Variants in APP observed in about 807,000 individuals in gnomAD.
APP encodes the protein amyloid-beta precursor protein.
A neutral mutation model predicts 101.4 loss-of-function variants in APP; 31 were observed. That is an observed-to-expected ratio of 0.31 (90% CI 0.23 to 0.41). APP has a LOEUF of 0.41. Among genes scored for constraint, APP ranks in the 10% least tolerant of loss-of-function variants. The pLI is 1.00. For missense variants in APP, 839 were observed against 1,003.7 expected (o/e 0.84, Z 2.22); for synonymous variants, 366 against 364.4 (o/e 1.00, Z -0.05).
intron 5 of APP, among the ~76,000 whole-genome samples, chr21:26,032,843 C>T (rs7283144): frequency 1.1e-3 from 159 of 150,604 alleles, no homozygotes; most frequent in African/African-American, 3.2e-3. Context: ...CTTTACTGGG[C>T]GCTATGCCTA....
intron 5 of APP, among the ~76,000 whole-genome samples, chr21:26,030,361 T>G (rs1322374525): frequency 6.6e-6 from 1 of 152,204 alleles, no homozygotes; most frequent in Non-Finnish European, 1.5e-5. Context: ...TGGTATCCAA[T>G]GGTACTAAAA....
chr21:26,111,853 G>T, intron 2 of APP, 126 bp downstream of exon 2: 1 of 933,212 alleles, frequency 1.1e-6, no homozygotes, highest in Non-Finnish European at 1.8e-6. Context: ...ATGGTATGGT[G>T]AATCATTAGG....
In APP at chr21:26,004,814, C is replaced by A. The variant is rs548454538; in HGVS notation, c.866-4632G>T. ...TTTCCCTCCCCCAACCCCCCACCCC[C>A]CCAACAGGCCCTGGTGTGTGATGTT... On this transcript the variant is annotated intron_variant, in intron 6 of 17. Transcript: ENST00000346798. Among the ~76,000 whole-genome samples the A allele has an allele frequency of 1.4e-4, 21 of 148,444 alleles. No homozygotes were observed. The East Asian group carries it at 2.4e-3, about 17-fold the overall frequency.
intron 6 of APP, among the ~76,000 whole-genome samples, chr21:26,007,370 ATATAT>A (rs1251813147): frequency 2.0e-5 from 3 of 147,460 alleles, no homozygotes; most frequent in African/African-American, 4.9e-5. Context: ...TATAATTATA[ATATAT>A]TAGATTATAA....
At chr21:25,897,259 T>C (rs376537777) in intron 16 of APP, among the ~76,000 whole-genome samples, 12 of 152,126 alleles carry the variant, frequency 7.9e-5, no homozygotes, top group Admixed American at 1.3e-4. Flanking sequence ...ACTACAGGTG[T>C]TTGCCACCAC....
chr21:25,901,309 A>AC (rs1410724699), intron 15 of APP, among the ~76,000 whole-genome samples: 9 of 115,096 alleles, frequency 7.8e-5, no homozygotes, highest in African/African-American at 2.0e-4. Context: ...AAAAAAAAAA[A>AC]AAAAAAAAAC....
intron 4 of APP, 148 bp downstream of exon 4, chr21:26,053,088 A>G (rs1299523434): frequency 4.3e-6 from 3 of 700,742 alleles, no homozygotes; most frequent in Non-Finnish European, 7.7e-6. Context: ...TCTAAAAACT[A>G]AAATCTGGGT....
At chr21:26,048,252 G>A (rs138489638) in intron 5 of APP, among the ~76,000 whole-genome samples, 3,960 of 152,200 alleles carry the variant, frequency 0.026, 178 homozygotes, top group African/African-American at 0.091. Flanking sequence ...GAACCCGGGA[G>A]GTGGAGGTTG....
chr21:26,127,302 A>G (rs2062705009), intron 1 of APP, among the ~76,000 whole-genome samples: 1 of 152,224 alleles, frequency 6.6e-6, no homozygotes, highest in South Asian at 2.1e-4. Flanking sequence ...GCCAGTCAGA[A>G]TCTCTCTGTA....
At chr21:25,889,140 C>G (rs982201517) in intron 17 of APP, among the ~76,000 whole-genome samples, 1 of 152,176 alleles carries the variant, frequency 6.6e-6, no homozygotes, top group African/African-American at 2.4e-5. Context: ...TGTTGAAGTC[C>G]TAAGCTGCCA....
At chr21:26,059,113 A>AAT (rs972617903) in intron 3 of APP, among the ~76,000 whole-genome samples, 61 of 149,264 alleles carry the variant, frequency 4.1e-4, no homozygotes, top group African/African-American at 1.5e-3. Flanking sequence ...ACATTAAAAT[A>AAT]AAAAAAAAAC....
intron 1 of APP, among the ~76,000 whole-genome samples, chr21:26,135,996 G>T (rs151046221): frequency 6.6e-6 from 1 of 151,324 alleles, no homozygotes; most frequent in South Asian, 2.1e-4. Context: ...GCCAGGCATC[G>T]TGGTGCACAC....
chr21:26,020,946 G>A (rs1028349506), intron 6 of APP, among the ~76,000 whole-genome samples: 1 of 151,302 alleles, frequency 6.6e-6, no homozygotes, highest in Non-Finnish European at 1.5e-5. Flanking sequence ...TTTACTTCTT[G>A]AAGAAAGCAC....
intron 5 of APP, among the ~76,000 whole-genome samples, chr21:26,038,798 C>G (rs1326995566): frequency 1.3e-5 from 2 of 152,078 alleles, no homozygotes; most frequent in Non-Finnish European, 1.5e-5. Context: ...TGCTGGCCTG[C>G]TCCCCCAACA....
chr21:25,929,528 A>G (rs2040051661), intron 13 of APP, among the ~76,000 whole-genome samples: 1 of 152,170 alleles, frequency 6.6e-6, no homozygotes, highest in Non-Finnish European at 1.5e-5. Flanking sequence ...AATGAGGATA[A>G]TTAGGCCTGA....
intron 1 of APP, among the ~76,000 whole-genome samples, chr21:26,143,279 C>G (rs2063086122): frequency 6.6e-6 from 1 of 152,120 alleles, no homozygotes; most frequent in Non-Finnish European, 1.5e-5. Context: ...TTGAGACCAG[C>G]CTAAGTAACA....
intron 3 of APP, among the ~76,000 whole-genome samples, chr21:26,072,611 T>C (rs759685962): frequency 1.3e-5 from 2 of 152,126 alleles, no homozygotes; most frequent in Non-Finnish European, 1.5e-5. Flanking sequence ...ATTTGATTCT[T>C]ACATACTAGT....
At chr21:26,077,925 T>C (rs139767698) in intron 3 of APP, among the ~76,000 whole-genome samples, 47 of 152,340 alleles carry the variant, frequency 3.1e-4, no homozygotes, top group Non-Finnish European at 5.0e-4. Context: ...ATCCTTTCAC[T>C]GAACACTGAA....
chr21:25,949,176 TATAAA>T (rs1310965524), intron 13 of APP, among the ~76,000 whole-genome samples: 1 of 152,134 alleles, frequency 6.6e-6, no homozygotes. Flanking sequence ...AATATGAAAT[TATAAA>T]ATAAAACACG....
Sources: gnomAD v4.1 joint callset for allele counts (sites outside exome capture counted in the v4.1 genomes callset) on GRCh38, gnomAD v4.1.1 for gene constraint, MANE v1.5 for transcripts, NCBI Gene and HGNC (gene_info 2026-07-23, HGNC 2026-07-21) for gene names.